The following IGF1R variants were observed in gnomAD, a reference collection of about 807,000 sequenced individuals.
IGF1R encodes the protein insulin like growth factor 1 receptor, also known as insulin-like growth factor 1 receptor.
A neutral mutation model predicts 144.6 loss-of-function variants in IGF1R; 44 were observed. That is an observed-to-expected ratio of 0.30 (90% CI 0.24 to 0.39). The LOEUF is 0.39. IGF1R is among the 10% of genes least tolerant of loss of function. The pLI is 1.00. For missense variants in IGF1R, 1,355 were observed against 1,833.7 expected (o/e 0.74, Z 4.77); for synonymous variants, 795 against 722.8 (o/e 1.10, Z -1.60).
chr15:98,913,054 A>C lies in IGF1R; in HGVS notation c.1600A>C (p.Asn534His), dbSNP rs1464036552. The C allele has an allele frequency of 5.6e-6, 9 of 1,612,906 alleles. No homozygotes were observed. Among genetic ancestry groups the C allele is most frequent in the Non-Finnish European group, 7.6e-6 (9 of 1,178,952 alleles). Reference sequence around the variant, plus strand: ...TTAATTGTCTTTCAGACCCTTTAAGAATGTCACAGAGTATGATGGGCAGGA... The same window carrying C: ...TTAATTGTCTTTCAGACCCTTTAAGCATGTCACAGAGTATGATGGGCAGGA... ...TVYYKEAPFK[N>H]VTEYDGQDAC... Residue 534 changes from asparagine to histidine, a missense_variant, in exon 8 of 21, where the codon AAT (asparagine) becomes CAT (histidine). Transcript: ENST00000650285.
chr15:98,772,494 T>TATG (rs2055610666), intron 2 of IGF1R, among the ~76,000 whole-genome samples: 1 of 87,034 alleles, frequency 1.1e-5, no homozygotes, highest in Non-Finnish European at 2.4e-5. Context: ...TTATTATTAT[T>TATG]ATTATTATTA....
intron 10 of IGF1R, among the ~76,000 whole-genome samples, chr15:98,918,073 A>G (rs967342031): frequency 6.6e-6 from 1 of 152,110 alleles, no homozygotes; most frequent in Non-Finnish European, 1.5e-5. Flanking sequence ...TTTCCTTTCA[A>G]AAAAGGATTA....
intron 1 of IGF1R, among the ~76,000 whole-genome samples, chr15:98,681,632 G>A (rs900913791): frequency 3.3e-5 from 5 of 152,090 alleles, no homozygotes; most frequent in South Asian, 4.1e-4. Context: ...CATCCCTGTC[G>A]GGGGCTCATG....
intron 19 of IGF1R, 61 bp from the exon 20 acceptor site, chr15:98,948,513 G>T (rs1410084049): frequency 1.3e-6 from 2 of 1,551,238 alleles, no homozygotes; most frequent in Admixed American, 3.3e-5. Context: ...CTGGAAAGGA[G>T]GGGGCAGCAT....
intron 1 of IGF1R, among the ~76,000 whole-genome samples, chr15:98,665,223 T>G (rs764918985): frequency 3.3e-5 from 5 of 152,174 alleles, no homozygotes; most frequent in Non-Finnish European, 7.3e-5. Context: ...AGTGCTGGGA[T>G]TAAAGGCGTG....
chr15:98,773,965 A>G (rs45614040), intron 2 of IGF1R, among the ~76,000 whole-genome samples: 2 of 151,938 alleles, frequency 1.3e-5, no homozygotes, highest in African/African-American at 4.8e-5. Context: ...CTATTTTTGT[A>G]TTTTTTCCAG....
At chr15:98,769,561 A>G (rs1377295046) in intron 2 of IGF1R, among the ~76,000 whole-genome samples, 3 of 152,234 alleles carry the variant, frequency 2.0e-5, no homozygotes, top group Non-Finnish European at 2.9e-5. Flanking sequence ...AGTATATTCA[A>G]GCAGATCAGA....
intron 1 of IGF1R, among the ~76,000 whole-genome samples, chr15:98,650,227 C>G (rs1377094760): frequency 1.3e-5 from 2 of 152,126 alleles, no homozygotes; most frequent in Admixed American, 1.3e-4. Context: ...GGCCCCGAAG[C>G]CCCAGGACAC....
intron 2 of IGF1R, among the ~76,000 whole-genome samples, chr15:98,859,229 T>A (rs1448357622): frequency 6.6e-6 from 1 of 152,214 alleles, no homozygotes; most frequent in Non-Finnish European, 1.5e-5. Context: ...ATGACCAGTG[T>A]ATTGAAAGCA....
chr15:98,690,847 C>T (rs922762246), intron 1 of IGF1R, among the ~76,000 whole-genome samples: 1 of 151,982 alleles, frequency 6.6e-6, no homozygotes, highest in East Asian at 1.9e-4. Context: ...GCGGTGTTGG[C>T]GGGTCAGGCA....
chr15:98,756,884 T>C (rs2055168910), intron 2 of IGF1R, among the ~76,000 whole-genome samples: 1 of 147,500 alleles, frequency 6.8e-6, no homozygotes, highest in Non-Finnish European at 1.5e-5. Flanking sequence ...GAAGTATGTC[T>C]GTCCTTGAAT....
intron 1 of IGF1R, among the ~76,000 whole-genome samples, chr15:98,688,357 T>A (rs146024550): frequency 0.01 from 724 of 69,740 alleles, 10 homozygotes; most frequent in African/African-American, 0.036. Context: ...CCCCCCACAC[T>A]CTCTCTCCCC....
Position 98,879,901 on chromosome 15 carries a change from C to A in IGF1R, c.641-11424C>A, listed in dbSNP as rs968898226. On this transcript the variant is annotated intron_variant, in intron 2 of 20. Transcript: ENST00000650285. The stretch of plus-strand genomic sequence containing the variant: ...AAAAGACACTACCTATTGTCTGATT[C>A]CATTCATGTAAAATATCCAGAATAG... 1.4e-4 allele frequency among the ~76,000 whole-genome samples: 21 copies of A among 152,322 alleles called. 1 individual carries two copies. In the South Asian group the frequency reaches 2.3e-3, roughly 17 times the overall value.
chr15:98,707,545 C>G lies in IGF1R; in HGVS notation c.95-17C>G, dbSNP rs1199928187. 8 of 1,613,582 alleles carry G rather than the reference C, an allele frequency of 5.0e-6. No homozygotes were observed. Among genetic ancestry groups the G allele is most frequent in the Admixed American group, 1.7e-5 (1 of 59,996 alleles). On this transcript the variant is annotated splice_polypyrimidine_tract_variant and intron_variant, in intron 1 of 20. Transcript: ENST00000650285. The surrounding 1 kb of genome is among the most constrained non-coding windows in gnomAD (Gnocchi z 6.7). ...TTTCCTTCTAACTGAGACGTTTACC[C>G]TCTTGTCTCCCTTCAGTCTGCGGGC...
At chr15:98,670,682 T>G (rs1039805371) in intron 1 of IGF1R, among the ~76,000 whole-genome samples, 1 of 152,244 alleles carries the variant, frequency 6.6e-6, no homozygotes, top group African/African-American at 2.4e-5. Flanking sequence ...AGGTCATCAC[T>G]GTGCTTTTGC....
chr15:98,939,894 C>T (rs2016302572), intron 18 of IGF1R, among the ~76,000 whole-genome samples: 1 of 152,202 alleles, frequency 6.6e-6, no homozygotes, highest in South Asian at 2.1e-4. Context: ...CACTGGGTTT[C>T]ACGGCTGGGG....
chr15:98,784,250 T>C (rs1389623127), intron 2 of IGF1R, among the ~76,000 whole-genome samples: 1 of 152,080 alleles, frequency 6.6e-6, no homozygotes, highest in African/African-American at 2.4e-5. Context: ...ATCCTATTTT[T>C]AAGTATAAAA....
chr15:98,926,191 A>C (rs1215443896), intron 13 of IGF1R, among the ~76,000 whole-genome samples: 1 of 152,254 alleles, frequency 6.6e-6, no homozygotes, highest in African/African-American at 2.4e-5. Context: ...CCTGGAGGAC[A>C]TGATGTTAAG....
chr15:98,695,807 G>A (rs2053582450), intron 1 of IGF1R, among the ~76,000 whole-genome samples: 2 of 152,258 alleles, frequency 1.3e-5, no homozygotes, highest in South Asian at 4.1e-4. Context: ...GGGTCATAAA[G>A]AGCCTGACCA....
Sources: allele counts gnomAD v4.1 joint callset (sites outside exome capture counted in the v4.1 genomes callset), GRCh38; gene constraint gnomAD v4.1.1; non-coding constraint Gnocchi (gnomAD v3.1); transcripts MANE v1.5; gene names NCBI Gene and HGNC (gene_info 2026-07-23, HGNC 2026-07-21).